The following CPZ variants were observed in gnomAD, a reference collection of about 807,000 sequenced individuals.
The protein encoded by CPZ is carboxypeptidase Z.
Under a neutral mutation model 61.8 loss-of-function variants are expected in CPZ, and 103 were observed. The ratio of observed to expected loss-of-function variants is 1.67; its 90% CI spans 1.42 to 1.96. CPZ has a LOEUF of 1.96. CPZ is among the 30% of genes most tolerant of loss of function. The pLI is 0.00. For missense variants in CPZ, 1,461 were observed against 914.9 expected, an observed-to-expected ratio of 1.60 and a Z score of -7.70; for synonymous variants, 551 against 373.7, an observed-to-expected ratio of 1.47 and a Z score of -5.47.
At chr4:8,609,217 C>CACTCACTCCCTCACTCACTCATTG (rs1553877680) in intron 7 of CPZ, among the ~76,000 whole-genome samples, 9 of 138,270 alleles carry the variant, frequency 6.5e-5, no homozygotes, top group South Asian at 4.3e-4. Flanking sequence ...CTTACTCATT[C>CACTCACTCCCTCACTCACTCATTG]ACTTACTCAC....
In CPZ at chr4:8,606,843, C is replaced by A. The variant is rs766745681; in HGVS notation, c.1013C>A (p.Thr338Asn). The A allele has an allele frequency of 1.2e-5, 20 of 1,613,508 alleles. No homozygotes were observed. Among genetic ancestry groups the A allele is most frequent in the Admixed American group, 1.2e-4 (7 of 59,998 alleles). The change falls in exon 6 of 11, where the codon ACC (threonine) becomes AAC (asparagine). Residue 338 changes from threonine to asparagine, a missense_variant. Coordinates refer to ENST00000360986, the MANE Select transcript of CPZ (RefSeq NM_001014447.3). ...LTSEYYRLAE[T>N]RGARSDHIPI... ...TCCGAGTACTACCGGCTGGCGGAGA[C>A]CCGCGGCGCACGCAGCGACCACATC...
At position 8,614,471 on chromosome 4, in the gene CPZ, G is replaced by T. The variant is rs1371154614; in HGVS notation, c.1476G>T (p.Lys492Asn). ...EALYILWQHN[K>N]ESLLNFVETV... The stretch of plus-strand genomic sequence containing the variant: ...TGTACATACTCTGGCAGCACAACAA[G>T]GAGTCACTCCTGAATTTCGTGGAGA... The change falls in exon 9 of 11, where the codon AAG becomes AAT. Residue 492 changes from lysine to asparagine, a missense_variant. By Grantham distance (94) the Lys-to-Asn change is moderately conservative. Transcript: ENST00000360986. 1 of 1,613,914 alleles carries T rather than the reference G, an allele frequency of 6.2e-7. No individual in the cohort carries two copies. Among genetic ancestry groups the T allele is most frequent in the Admixed American group, 1.7e-5 (1 of 60,014 alleles).
chr4:8,605,452 C>T (rs1367814341), intron 4 of CPZ, among the ~76,000 whole-genome samples: 1 of 152,190 alleles, frequency 6.6e-6, no homozygotes, highest in Non-Finnish European at 1.5e-5. Flanking sequence ...CACACCCATC[C>T]ATCATCCGTC....
At position 8,617,919 on chromosome 4, in the gene CPZ, G is replaced by A. The variant is rs138924912; in HGVS notation, c.1504-510G>A. ...GAGCTTGTGTGTTCAGGACCAGTTC[G>A]TGCCAAGGCCAGGCAAGCAGTAAGA... is the stretch of plus-strand genomic sequence containing the variant. On this transcript the variant is annotated intron_variant, in intron 9 of 10. Transcript: ENST00000360986. Among the ~76,000 whole-genome samples the A allele has an allele frequency of 1.9e-4, 29 of 152,208 alleles. No homozygotes were observed. The East Asian group carries it at 4.6e-3, about 24-fold the overall frequency.
At chr4:8,610,451 G>A (rs1056535404) in intron 7 of CPZ, among the ~76,000 whole-genome samples, 3 of 152,160 alleles carry the variant, frequency 2.0e-5, no homozygotes, top group African/African-American at 7.2e-5. Flanking sequence ...AGGAGGGACT[G>A]TAGGGCAGGG....
chr4:8,617,223 G>A (rs1238839906), intron 9 of CPZ, among the ~76,000 whole-genome samples: 1 of 152,238 alleles, frequency 6.6e-6, no homozygotes, highest in African/African-American at 2.4e-5. Flanking sequence ...GAAATCATCG[G>A]TCCTGCAGAA....
chr4:8,599,671 G>A (rs1038176126), intron 2 of CPZ, 186 bp downstream of exon 2: 27 of 1,425,626 alleles, frequency 1.9e-5, no homozygotes, highest in Non-Finnish European at 2.5e-5. Context: ...AAAAAGACCA[G>A]CTAGGAAAAG....
Position 8,601,307 on chromosome 4 carries a change from T to C in CPZ, c.306T>C (p.Cys102=), listed in dbSNP as rs142697820. The C allele has an allele frequency of 1.9e-6, 3 of 1,612,348 alleles. No homozygotes were observed. The highest frequency in any genetic ancestry group is 2.5e-6 in the Non-Finnish European group (3 of 1,179,176). The change falls in exon 3 of 11, where the codon TGT becomes TGC. Residue 102 remains cysteine (C), a synonymous_variant. Coordinates refer to ENST00000360986, the MANE Select transcript of CPZ (RefSeq NM_001014447.3). ...QCNPDLRLLG[C]AVLAPRCEGG... is the part of the protein sequence containing the mutation. The stretch of plus-strand genomic sequence containing the variant: ...ACCCGGACCTGCGGCTGCTGGGCTG[T>C]GCTGTGCTGGCCCCCCGGTGTGAGG...
At chr4:8,615,936 G>A (rs193156943) in intron 9 of CPZ, among the ~76,000 whole-genome samples, 106 of 152,320 alleles carry the variant, frequency 7.0e-4, no homozygotes, top group Non-Finnish European at 4.3e-4. Flanking sequence ...TGGCTGTGCC[G>A]CAGCCCTGCA....
chr4:8,595,704 A>G (rs1714127412), intron 1 of CPZ, among the ~76,000 whole-genome samples: 1 of 152,256 alleles, frequency 6.6e-6, no homozygotes. Flanking sequence ...CAGAAAAGAC[A>G]TACTGATGAT....
rs1476418034 is a variant in CPZ at position 8,604,131 on chromosome 4, G to A, written c.652G>A (p.Asp218Asn). The change falls in exon 4 of 11, where the codon GAC (aspartate) becomes AAC (asparagine). Residue 218 changes from aspartate to asparagine, a missense_variant. Coordinates refer to ENST00000360986, the MANE Select transcript of CPZ (RefSeq NM_001014447.3). ...ARTYSIGRSF[D>N]GRELLVIEFS... Reference sequence around the variant, plus strand: ...GACCTACAGCATCGGGCGCAGCTTCGACGGCAGGGAGCTGCTGGTCATCGA... The same window carrying A: ...GACCTACAGCATCGGGCGCAGCTTCAACGGCAGGGAGCTGCTGGTCATCGA... 6.3e-6 allele frequency: 10 copies of A among 1,593,130 alleles called. No homozygotes were observed. The highest frequency in any genetic ancestry group is 2.3e-5 in the East Asian group (1 of 43,756).
Position 8,614,466 on chromosome 4 carries a change from A to G in CPZ, c.1471A>G (p.Asn491Asp). 1 of 1,613,550 alleles carries G rather than the reference A, an allele frequency of 6.2e-7. No individual in the cohort carries two copies. Among genetic ancestry groups the G allele is most frequent in the Non-Finnish European group, 8.5e-7 (1 of 1,179,714 alleles). The change falls in exon 9 of 11, where the codon AAC (asparagine) becomes GAC (aspartate). Residue 491 changes from asparagine (N) to aspartate (D), a missense_variant. Physicochemically the swap from Asn to Asp is conservative, Grantham distance 23. Transcript: ENST00000360986. ...EEALYILWQH[N>D]KESLLNFVET... ...GGCCCTGTACATACTCTGGCAGCAC[A>G]ACAAGGAGTCACTCCTGAATTTCGT...
chr4:8,608,833 G>C (rs921592877), intron 7 of CPZ, among the ~76,000 whole-genome samples: 1 of 152,148 alleles, frequency 6.6e-6, no homozygotes, highest in Non-Finnish European at 1.5e-5. Context: ...AGAGACCAAG[G>C]GGAGCCCCAG....
chr4:8,615,968 C>T (rs559721052), intron 9 of CPZ, among the ~76,000 whole-genome samples: 244 of 152,354 alleles, frequency 1.6e-3, no homozygotes, highest in South Asian at 9.3e-3. Context: ...GAGTCCCATT[C>T]TTCTATGAGC....
intron 1 of CPZ, chr4:8,597,346 C>A (rs920270947): frequency 5.9e-5 from 9 of 152,338 alleles, no homozygotes; most frequent in Non-Finnish European, 4.4e-5. Flanking sequence ...CAAGCAGAAT[C>A]CCGGACCAGC....
chr4:8,613,050 G>T (rs1715844867), intron 8 of CPZ, among the ~76,000 whole-genome samples: 1 of 152,020 alleles, frequency 6.6e-6, no homozygotes, highest in African/African-American at 2.4e-5. Flanking sequence ...CAGGCAGAGG[G>T]CCCTCAGCCC....
intron 7 of CPZ, among the ~76,000 whole-genome samples, chr4:8,609,118 CCTCACTCATTCA>C (rs1178341884): frequency 2.6e-5 from 2 of 77,428 alleles, no homozygotes; most frequent in Non-Finnish European, 4.8e-5. Flanking sequence ...TTCCTCACTC[CCTCACTCATTCA>C]CTCATTTACT....
In CPZ at chr4:8,601,347, A is replaced by G. The variant is rs369755027; in HGVS notation, c.346A>G (p.Arg116Gly). 4 of 1,605,022 alleles carry G rather than the reference A, an allele frequency of 2.5e-6. No homozygotes were observed. Among genetic ancestry groups the G allele is most frequent in the Non-Finnish European group, 3.4e-6 (4 of 1,173,832 alleles). ...APRCEGGWVRRPCRHICEGLR... is the reference protein window; with the variant it reads ...APRCEGGWVRGPCRHICEGLR... ...CCGGTGTGAGGGCGGCTGGGTGCGC[A>G]GACCCTGCCGGCACATCTGCGAGGG... The change falls in exon 3 of 11, where the codon AGA (arginine) becomes GGA (glycine). Residue 116 changes from arginine (R) to glycine (G), a missense_variant. Physicochemically the swap from Arg to Gly is moderately radical, Grantham distance 125 (BLOSUM62 -2). Transcript: ENST00000360986.
chr4:8,601,048 C>T (rs1714533905), intron 2 of CPZ, 75 bp from the exon 3 acceptor site: 4 of 1,491,992 alleles, frequency 2.7e-6, no homozygotes, highest in South Asian at 1.4e-5. Context: ...GCGTGGGGTC[C>T]CCTACGTAAA....
Sources: allele counts gnomAD v4.1 joint callset (sites outside exome capture counted in the v4.1 genomes callset), GRCh38; gene constraint gnomAD v4.1.1; transcripts MANE v1.5; gene names NCBI Gene and HGNC (gene_info 2026-07-23, HGNC 2026-07-21).